CYP7B1: variants seen among roughly 807,000 people sequenced by gnomAD.
CYP7B1 encodes cytochrome P450 family 7 subfamily B member 1, also known as cytochrome P450 7B1.
CYP7B1 carries 29 observed loss-of-function variants against 42.7 expected under a neutral mutation model. The ratio of observed to expected loss-of-function variants is 0.68; its 90% CI spans 0.51 to 0.93. CYP7B1 has a LOEUF of 0.93. Ranked by LOEUF, CYP7B1 falls within the 40% of genes least tolerant of loss-of-function variation. CYP7B1 has a pLI of 0.00. For synonymous variants in CYP7B1, 235 were observed against 218.2 expected, an observed-to-expected ratio of 1.08 and a Z score of -0.68; for missense variants, 655 against 600.5, an observed-to-expected ratio of 1.09 and a Z score of -0.95.
At chr8:64,621,388 T>C (rs1805526955) in intron 2 of CYP7B1, among the ~76,000 whole-genome samples, 1 of 152,288 alleles carries the variant, frequency 6.6e-6, no homozygotes, top group Non-Finnish European at 1.5e-5. Flanking sequence ...GCACCAAATA[T>C]AGGAGGAGTC....
At chr8:64,757,878 G>A (rs1006211847) in intron 1 of CYP7B1, among the ~76,000 whole-genome samples, 1 of 152,132 alleles carries the variant, frequency 6.6e-6, no homozygotes, top group Admixed American at 6.5e-5. Context: ...CATGCTTCTT[G>A]CCCCTTTGAT....
intron 1 of CYP7B1, among the ~76,000 whole-genome samples, chr8:64,668,066 C>CT (rs1206854741): frequency 2.6e-5 from 4 of 152,108 alleles, no homozygotes; most frequent in South Asian, 2.1e-4. Context: ...CTTTTCTTTT[C>CT]TTTTTTCCAA....
chr8:64,795,343 G>A (rs1804688382), intron 1 of CYP7B1, among the ~76,000 whole-genome samples: 1 of 152,212 alleles, frequency 6.6e-6, no homozygotes. Context: ...TCTCCGCCAG[G>A]CTCAGTTTCC....
downstream of CYP7B1, among the ~76,000 whole-genome samples, chr8:64,587,164 A>C (rs1034881572): frequency 6.6e-6 from 1 of 152,260 alleles, no homozygotes; most frequent in African/African-American, 2.4e-5. Context: ...CAGGTCCAGC[A>C]TCCCTAGGTT....
chr8:64,678,060 C>A (rs1331620017), intron 1 of CYP7B1, among the ~76,000 whole-genome samples: 7 of 152,122 alleles, frequency 4.6e-5, no homozygotes, highest in Admixed American at 4.6e-4. Flanking sequence ...AATTCTCCCG[C>A]TCTGCCTAAA....
intron 1 of CYP7B1, among the ~76,000 whole-genome samples, chr8:64,698,628 T>C (rs542047001): frequency 1.1e-4 from 17 of 152,288 alleles, no homozygotes; most frequent in Non-Finnish European, 2.2e-4. Context: ...TTTACAGTTA[T>C]TACTTAGTCA....
intron 1 of CYP7B1, among the ~76,000 whole-genome samples, chr8:64,766,816 G>C (rs1460037614): frequency 6.6e-6 from 1 of 152,162 alleles, no homozygotes; most frequent in Non-Finnish European, 1.5e-5. Context: ...GCAAGCGCCA[G>C]CCCATGCCAT....
At chr8:64,779,224 T>C (rs1255664848) in intron 1 of CYP7B1, among the ~76,000 whole-genome samples, 3 of 152,082 alleles carry the variant, frequency 2.0e-5, no homozygotes, top group Admixed American at 6.6e-5. Flanking sequence ...AAGTCAAACA[T>C]TGTGAGTTTG....
chr8:64,726,406 G>C (rs939758928), intron 1 of CYP7B1, among the ~76,000 whole-genome samples: 1 of 152,178 alleles, frequency 6.6e-6, no homozygotes, highest in African/African-American at 2.4e-5. Context: ...TAATGGCCCA[G>C]TAATGAACCC....
At chr8:64,684,292 C>G (rs1447943569) in intron 1 of CYP7B1, among the ~76,000 whole-genome samples, 1 of 152,182 alleles carries the variant, frequency 6.6e-6, no homozygotes, top group Non-Finnish European at 1.5e-5. Context: ...ACCATACTGC[C>G]TCACTAGCTG....
intron 1 of CYP7B1, among the ~76,000 whole-genome samples, chr8:64,707,608 T>C (rs573176778): frequency 6.6e-6 from 1 of 152,224 alleles, no homozygotes; most frequent in South Asian, 2.1e-4. Flanking sequence ...ATTACTAACA[T>C]GGCAGGCTAT....
rs543760830 is a variant in CYP7B1, at chr8:64,790,391, A to C, written c.122+8075T>G. Among the ~76,000 whole-genome samples the C allele has an allele frequency of 5.4e-4, 82 of 152,300 alleles. 1 individual carries two copies. In the South Asian group the frequency reaches 0.016, roughly 30 times the overall value. On this transcript the variant is annotated intron_variant, in intron 1 of 5. Transcript: ENST00000310193. The stretch of plus-strand genomic sequence containing the variant: ...AAGGACCCTAGGAGATTACATTTAA[A>C]ATACTAAAAGGAAAAAATCTGAAAC...
chr8:64,691,423 C>T (rs1401739342), intron 1 of CYP7B1, among the ~76,000 whole-genome samples: 1 of 141,038 alleles, frequency 7.1e-6, no homozygotes, highest in Non-Finnish European at 1.5e-5. Context: ...CTGGCACACA[C>T]AGCCAGCATA....
chr8:64,621,623 G>A (rs1805530769), intron 2 of CYP7B1, among the ~76,000 whole-genome samples: 1 of 152,108 alleles, frequency 6.6e-6, no homozygotes, highest in Non-Finnish European at 1.5e-5. Flanking sequence ...TGGAAAGGCT[G>A]GTGGAGACCT....
intron 1 of CYP7B1, among the ~76,000 whole-genome samples, chr8:64,635,553 T>C (rs989760400): frequency 2.0e-5 from 3 of 152,240 alleles, no homozygotes; most frequent in African/African-American, 7.2e-5. Flanking sequence ...GTTTTGACTC[T>C]ATCAGGATAG....
intron 1 of CYP7B1, among the ~76,000 whole-genome samples, chr8:64,643,764 A>G (rs1355905008): frequency 6.6e-6 from 1 of 152,168 alleles, no homozygotes; most frequent in Non-Finnish European, 1.5e-5. Flanking sequence ...AATTTCAACA[A>G]TGTTCACAGC....
At chr8:64,610,176 T>C (rs1027397791) in intron 4 of CYP7B1, among the ~76,000 whole-genome samples, 3 of 152,228 alleles carry the variant, frequency 2.0e-5, no homozygotes, top group Non-Finnish European at 4.4e-5. Flanking sequence ...AGATTCTGTT[T>C]CCAGCATTCC....
Position 64,596,793 on chromosome 8 carries a change from A to G in CYP7B1, c.1370T>C (p.Met457Thr). 2.5e-6 allele frequency: 4 copies of G among 1,614,118 alleles called. No individual in the cohort carries two copies. In the South Asian group the frequency reaches 3.3e-5, roughly 13 times the overall value. ...TATAACCAACAATTGTTTTATTTCC[A>G]TAAGTGCAAAAAATCGGCCTGGACA... ...SKCPGRFFAL[M>T]EIKQLLVILL... Residue 457 changes from methionine (M) to threonine (T), a missense_variant, in exon 6 of 6, where the codon ATG becomes ACG. By Grantham distance (81) the Met-to-Thr change is moderately conservative (BLOSUM62 -1). Coordinates refer to ENST00000310193, the MANE Select transcript of CYP7B1 (RefSeq NM_004820.5).
intron 1 of CYP7B1, among the ~76,000 whole-genome samples, chr8:64,731,118 G>A (rs2129633077): frequency 6.6e-6 from 1 of 152,282 alleles, no homozygotes; most frequent in South Asian, 2.1e-4. Flanking sequence ...AAATCACCCA[G>A]TCTCCGGTAT....
Sources: gnomAD v4.1 joint callset for allele counts (sites outside exome capture counted in the v4.1 genomes callset) on GRCh38, gnomAD v4.1.1 for gene constraint, MANE v1.5 for transcripts, NCBI Gene and HGNC (gene_info 2026-07-23, HGNC 2026-07-21) for gene names.